NOTCH4: variants seen among roughly 807,000 people sequenced by gnomAD.
The protein encoded by NOTCH4 is notch receptor 4, also known as neurogenic locus notch homolog protein 4.
Under a neutral mutation model 189.0 loss-of-function variants are expected in NOTCH4, and 138 were observed. The observed-to-expected ratio is 0.73, with a 90% CI of 0.64 to 0.84. The LOEUF (loss-of-function observed/expected upper bound fraction) is 0.84, where lower values mean the gene tolerates loss of function less well. Among genes scored for constraint, NOTCH4 ranks in the 40% least tolerant of loss-of-function variants. The probability of loss-of-function intolerance (pLI) is 0.00; values close to 1 mark genes in which losing one functional copy is unlikely to be tolerated. For synonymous variants in NOTCH4, 942 were observed against 1,032.8 expected, an observed-to-expected ratio of 0.91 and a Z score of 1.69; for missense variants, 2,286 against 2,605.4, an observed-to-expected ratio of 0.88 and a Z score of 2.67.
chr6:32,199,192 C>T lies in NOTCH4; in HGVS notation c.4316-47G>A, dbSNP rs1432018095. On this transcript the variant is annotated intron_variant, in intron 23 of 29. Transcript: ENST00000375023. This position sits in a 1 kb window ranked among gnomAD's most constrained non-coding sequence, Gnocchi z 4.9. ...CAAAGAGAGGCCACTCCTGGTGAGA[C>T]TGATTACTATTGGGAGACCTTTGGA... 1.4e-6 allele frequency: 2 copies of T among 1,404,852 alleles called. No homozygotes were observed. The highest frequency in any genetic ancestry group is 1.5e-5 in the African/African-American group (1 of 68,854). 87.0% of individuals were successfully genotyped at this position (1,404,852 alleles called of 1,614,324 possible).
In NOTCH4 at chr6:32,213,727, C is replaced by T; in HGVS notation, c.2281G>A (p.Gly761Arg). The change falls in exon 14 of 30, where the codon GGG becomes AGG. Residue 761 changes from glycine (G) to arginine (R), a missense_variant. By Grantham distance (125) the Gly-to-Arg change is moderately radical. Coordinates refer to ENST00000375023, the MANE Select transcript of NOTCH4 (RefSeq NM_004557.4). ...YYCTCPPSHT[G>R]PQCQTSTDYC... ...TCAGTGCTGGTTTGGCACTGGGGCCCTGTGTGGCTTGGAGGGCAGGTGCAG... is the reference window on the plus strand; with the variant it reads ...TCAGTGCTGGTTTGGCACTGGGGCCTTGTGTGGCTTGGAGGGCAGGTGCAG... The T allele has an allele frequency of 6.2e-7, 1 of 1,612,906 alleles. No homozygotes were observed. Among genetic ancestry groups the T allele is most frequent in the Non-Finnish European group, 8.5e-7 (1 of 1,180,004 alleles).
chr6:32,217,400 G>A lies in NOTCH4; in HGVS notation c.1625-134C>T, dbSNP rs1789483509. 1.6e-6 allele frequency: 1 copy of A among 630,214 alleles called. No homozygotes were observed. The highest frequency in any genetic ancestry group is 2.7e-5 in the Admixed American group (1 of 37,100). 39.0% of individuals were successfully genotyped at this position (630,214 alleles called of 1,614,324 possible). On this transcript the variant is annotated intron_variant, in intron 9 of 29. Transcript: ENST00000375023. This position sits in a 1 kb window ranked among gnomAD's most constrained non-coding sequence, Gnocchi z 4.2. Reference sequence around the variant, plus strand: ...GACACCTGGGGCAGGTGAGCGTGGGGTGACAGGAGATGATGCAGAAAAGGT... The same window carrying A: ...GACACCTGGGGCAGGTGAGCGTGGGATGACAGGAGATGATGCAGAAAAGGT...
At chr6:32,220,349 GC>G in intron 6 of NOTCH4, 55 bp downstream of exon 6, 1 of 1,610,872 alleles carries the variant, frequency 6.2e-7, no homozygotes, top group Non-Finnish European at 8.5e-7. Context: ...TCCTCCTGGT[GC>G]TTCTCTCACC....
Position 32,218,043 on chromosome 6 carries a change from C to T in NOTCH4, c.1576G>A (p.Ala526Thr), listed in dbSNP as rs201418371. 388 of 1,613,968 alleles carry T rather than the reference C, an allele frequency of 2.4e-4. 2 individuals are homozygous for T. Among genetic ancestry groups the T allele is most frequent in the Admixed American group, 5.0e-5 (3 of 60,006 alleles). ...CCGTTGAGCAGGTCATGGCAATCCG[C>T]GTGGTTCAGGCAGGGAGCTGAGGCA... ...ECASAPCLNH[A>T]DCHDLLNGFQ... Residue 526 changes from alanine (A) to threonine (T), a missense_variant, in exon 9 of 30, where the codon GCG becomes ACG. Ala to Thr is a moderately conservative substitution (Grantham distance 58, BLOSUM62 0). Transcript: ENST00000375023.
Position 32,198,186 on chromosome 6 carries a change from C to CT in NOTCH4, c.4756+234dup, listed in dbSNP as rs1788080478. 6.6e-6 allele frequency among the ~76,000 whole-genome samples: 1 copy of CT among 152,186 alleles called. No individual in the cohort carries two copies. On this transcript the variant is annotated intron_variant, in intron 26 of 29. Transcript: ENST00000375023. This position sits in a 1 kb window ranked among gnomAD's most constrained non-coding sequence, Gnocchi z 5.5. ...TGAAGGGCTTGTTAAAACAGATTGC[C>CT]TAACATTTTAAATTCCTGAGTCAGT...
At position 32,201,331 on chromosome 6, in the gene NOTCH4, C is replaced by G. The variant is rs1224435512; in HGVS notation, c.3925G>C (p.Asp1309His). ...LLVVLSPPAL[D>H]QQLFALARVL... ...CGGGCCAGGGCAAACAGCTGCTGGT[C>G]TAGGGCTGGGGGGCTCAGTACCACC... The change falls in exon 22 of 30, where the codon GAC (aspartate) becomes CAC (histidine). Residue 1309 changes from aspartate to histidine, a missense_variant. By Grantham distance (81) the Asp-to-His change is moderately conservative. This residue lies in a region of NOTCH4 where 1,903 missense variants were observed against 2,261.9 expected (regional missense o/e 0.84). Coordinates refer to ENST00000375023, the MANE Select transcript of NOTCH4 (RefSeq NM_004557.4). This position sits in a 1 kb window ranked among gnomAD's most constrained non-coding sequence, Gnocchi z 5.5. The G allele has an allele frequency of 1.2e-6, 2 of 1,612,260 alleles. No individual in the cohort carries two copies. Among genetic ancestry groups the G allele is most frequent in the Admixed American group, 3.3e-5 (2 of 59,942 alleles).
Position 32,221,339 on chromosome 6 carries a change from CAGAG to C in NOTCH4, c.452-18_452-15del, listed in dbSNP as rs758544319. The C allele has an allele frequency of 6.3e-6, 10 of 1,598,760 alleles. No individual in the cohort carries two copies. In the East Asian group the frequency reaches 2.2e-4, roughly 36 times the overall value. On this transcript the variant is annotated splice_polypyrimidine_tract_variant and intron_variant, in intron 3 of 29. Coordinates refer to ENST00000375023, the MANE Select transcript of NOTCH4 (RefSeq NM_004557.4). This position sits in a 1 kb window ranked among gnomAD's most constrained non-coding sequence, Gnocchi z 4.3. Reference sequence around the variant, plus strand: ...GGCACTGCTCACCTGAGGCAGAGGACAGAGGGAGCCGTTTCTAGCATTGTACGAA... The same window carrying C: ...GGCACTGCTCACCTGAGGCAGAGGACGGAGCCGTTTCTAGCATTGTACGAA...
At position 32,222,646 on chromosome 6, in the gene NOTCH4, G is replaced by C. The variant is rs140979766; in HGVS notation, c.316C>G (p.Leu106Val). 6.2e-7 allele frequency: 1 copy of C among 1,607,248 alleles called. No homozygotes were observed. Among genetic ancestry groups the C allele is most frequent in the Non-Finnish European group, 8.5e-7 (1 of 1,177,908 alleles). ...CATCTCTCACCAGTGAAGCCAGGGA[G>C]GCAAGTGCACAAGAAGCTGGGTGTC... ...PLTPSFLCTC[L>V]PGFTGERCQA... The change falls in exon 3 of 30, where the codon CTC becomes GTC. Residue 106 changes from leucine to valine, a missense_variant. Leu to Val is a conservative substitution (Grantham distance 32). Around this residue, in one of 2 missense-constraint regions of NOTCH4, gnomAD observed 1,903 missense variants for 2,261.9 expected, o/e 0.84. Coordinates refer to ENST00000375023, the MANE Select transcript of NOTCH4 (RefSeq NM_004557.4).
rs1487677633 is a variant in NOTCH4, at chr6:32,200,638, TAAGG to T, written c.4315+189_4315+192del. On this transcript the variant is annotated intron_variant, in intron 23 of 29. Coordinates refer to ENST00000375023, the MANE Select transcript of NOTCH4 (RefSeq NM_004557.4). The surrounding 1 kb of genome is among the most constrained non-coding windows in gnomAD (Gnocchi z 5.0). ...GGTTAGGATAATGTGCTTAGGGAAA[TAAGG>T]AAGGAGACTGTAGAACAAATGGGCC... is the stretch of plus-strand genomic sequence containing the variant. Among the ~76,000 whole-genome samples, 1 of 152,152 alleles carries T rather than the reference TAAGG, an allele frequency of 6.6e-6. No individual in the cohort carries two copies. The highest frequency in any genetic ancestry group is 1.9e-4 in the East Asian group (1 of 5,194).
At position 32,222,821 on chromosome 6, in the gene NOTCH4, A is replaced by T. The variant is rs775193414; in HGVS notation, c.156-15T>A. 6.2e-7 allele frequency: 1 copy of T among 1,606,526 alleles called. No individual in the cohort carries two copies. Among genetic ancestry groups the T allele is most frequent in the Non-Finnish European group, 8.5e-7 (1 of 1,177,700 alleles). On this transcript the variant is annotated splice_polypyrimidine_tract_variant and intron_variant, in intron 2 of 29. Transcript: ENST00000375023. ...CAGGGGCACACCTGGGCAGGGGAGG[A>T]GAGGAAAACTCACATCACTGGTCCC...
chr6:32,204,014 G>A, intron 19 of NOTCH4, 123 bp downstream of exon 19: 1 of 1,423,620 alleles, frequency 7.0e-7, no homozygotes, highest in South Asian at 1.2e-5. Flanking sequence ...CTGGGCGGGG[G>A]TGGGCGTGGA....
chr6:32,217,320 C>T lies in NOTCH4; in HGVS notation c.1625-54G>A. 7 of 1,141,272 alleles carry T rather than the reference C, an allele frequency of 6.1e-6. No homozygotes were observed. Among genetic ancestry groups the T allele is most frequent in the Non-Finnish European group, 9.2e-6 (7 of 761,142 alleles). 70.7% of individuals were successfully genotyped at this position (1,141,272 alleles called of 1,614,324 possible). A position where few individuals can be genotyped will look rare whatever the true frequency, so the allele number is the denominator to read the frequency against. ...GAGGCCAAGGTCATCGAGGGAGGCACAGCATGGCGCCTTCCCTTGCCAGGA... is the reference window on the plus strand; with the variant it reads ...GAGGCCAAGGTCATCGAGGGAGGCATAGCATGGCGCCTTCCCTTGCCAGGA... On this transcript the variant is annotated intron_variant, in intron 9 of 29. Transcript: ENST00000375023. This position sits in a 1 kb window ranked among gnomAD's most constrained non-coding sequence, Gnocchi z 4.2.
chr6:32,217,482 C>T lies in NOTCH4; in HGVS notation c.1625-216G>A, dbSNP rs1317695568. ...TGGGCAAGCTGGTCAACCCTCTAGGCCCCAGTTTCCTGTTCTGTGTAAAAG... is the reference window on the plus strand; with the variant it reads ...TGGGCAAGCTGGTCAACCCTCTAGGTCCCAGTTTCCTGTTCTGTGTAAAAG... On this transcript the variant is annotated intron_variant, in intron 9 of 29. Transcript: ENST00000375023. This position sits in a 1 kb window ranked among gnomAD's most constrained non-coding sequence, Gnocchi z 4.2. 1.3e-5 allele frequency among the ~76,000 whole-genome samples: 2 copies of T among 152,196 alleles called. No individual in the cohort carries two copies. The highest frequency in any genetic ancestry group is 2.9e-5 in the Non-Finnish European group (2 of 68,038).
rs759883287 is a variant in NOTCH4, at chr6:32,221,303, G to A, written c.474C>T (p.Asp158=). 16 of 1,612,582 alleles carry A rather than the reference G, an allele frequency of 9.9e-6. No individual in the cohort carries two copies. The highest frequency in any genetic ancestry group is 1.7e-5 in the Admixed American group (1 of 59,992). ...GWTGEQCQLR[D]FCSANPCVNG... is the part of the protein sequence containing the mutation. The stretch of plus-strand genomic sequence containing the variant: ...TAACACATGGGTTGGCTGAACAGAA[G>A]TCCCGAAGCTGGCACTGCTCACCTG... The change falls in exon 4 of 30, where the codon GAC becomes GAT. Residue 158 remains aspartate, a synonymous_variant. Transcript: ENST00000375023. This position sits in a 1 kb window ranked among gnomAD's most constrained non-coding sequence, Gnocchi z 4.3.
At chr6:32,209,809 G>A (rs547591305) in intron 18 of NOTCH4, among the ~76,000 whole-genome samples, 1 of 152,074 alleles carries the variant, frequency 6.6e-6, no homozygotes, top group Admixed American at 6.5e-5. Flanking sequence ...CTTGAACCTG[G>A]GAGGCGGGGG....
In NOTCH4 at chr6:32,201,601, G is replaced by A. The variant is rs1361806485; in HGVS notation, c.3756-101C>T. On this transcript the variant is annotated intron_variant, in intron 21 of 29. Coordinates refer to ENST00000375023, the MANE Select transcript of NOTCH4 (RefSeq NM_004557.4). The surrounding 1 kb of genome is among the most constrained non-coding windows in gnomAD (Gnocchi z 5.5). ...ATATTTTGTGCCCTCTAGGGCTTTG[G>A]TTGCTAAGTGGGGGCAGCTGTGGAG... 6 of 1,209,470 alleles carry A rather than the reference G, an allele frequency of 5.0e-6. No individual in the cohort carries two copies. Among genetic ancestry groups the A allele is most frequent in the Non-Finnish European group, 6.6e-6 (6 of 914,150 alleles). 74.9% of individuals were successfully genotyped at this position (1,209,470 alleles called of 1,614,324 possible).
chr6:32,198,827 T>C lies in NOTCH4; in HGVS notation c.4536-97A>G, dbSNP rs1441661741. ...TTCCCACCCCTCTCTCCTTCCCCTA[T>C]CTTTGACTTCTGCAATAGTATTTCT... On this transcript the variant is annotated intron_variant, in intron 24 of 29. Transcript: ENST00000375023. This position sits in a 1 kb window ranked among gnomAD's most constrained non-coding sequence, Gnocchi z 5.5. 1 of 1,453,714 alleles carries C rather than the reference T, an allele frequency of 6.9e-7. No homozygotes were observed. The highest frequency in any genetic ancestry group is 9.3e-7 in the Non-Finnish European group (1 of 1,071,322). 90.1% of individuals were successfully genotyped at this position (1,453,714 alleles called of 1,614,324 possible).
chr6:32,199,149 G>A lies in NOTCH4; in HGVS notation c.4316-4C>T, dbSNP rs1189190167. The A allele has an allele frequency of 1.3e-6, 2 of 1,575,264 alleles. No individual in the cohort carries two copies. Among genetic ancestry groups the A allele is most frequent in the South Asian group, 2.3e-5 (2 of 87,768 alleles). The stretch of plus-strand genomic sequence containing the variant: ...GGAAGCTGGTTGGCAGGGGGTGCTG[G>A]TGGGAGAGACAGAGTCACAAAGAGA... On this transcript the variant is annotated splice_polypyrimidine_tract_variant and splice_region_variant and intron_variant, in intron 23 of 29. Transcript: ENST00000375023. This position sits in a 1 kb window ranked among gnomAD's most constrained non-coding sequence, Gnocchi z 4.9.
Position 32,199,075 on chromosome 6 carries a change from T to C in NOTCH4, c.4386A>G (p.Leu1462=). Residue 1462 remains leucine (L), a synonymous_variant, in exon 24 of 30, where the codon CTA becomes CTG. Coordinates refer to ENST00000375023, the MANE Select transcript of NOTCH4 (RefSeq NM_004557.4). The surrounding 1 kb of genome is among the most constrained non-coding windows in gnomAD (Gnocchi z 4.9). ...SPVAGVILLA[L]GALLVLQLIR... The stretch of plus-strand genomic sequence containing the variant: ...TGAGCTGGAGGACGAGAAGAGCCCC[T>C]AGGGCCAGGAGAATCACCCCGGCCA... The C allele has an allele frequency of 6.2e-7, 1 of 1,612,644 alleles. No individual in the cohort carries two copies. The highest frequency in any genetic ancestry group is 8.5e-7 in the Non-Finnish European group (1 of 1,179,810).
Sources: allele counts gnomAD v4.1 joint callset (sites outside exome capture counted in the v4.1 genomes callset), GRCh38; gene constraint gnomAD v4.1.1; regional missense constraint gnomAD v4.1.1; non-coding constraint Gnocchi (gnomAD v3.1); transcripts MANE v1.5; gene names NCBI Gene and HGNC (gene_info 2026-07-23, HGNC 2026-07-21).